The following BICC1 variants were observed in gnomAD, a reference collection of about 807,000 sequenced individuals.
The protein encoded by BICC1 is protein bicaudal C homolog 1.
BICC1 carries 43 observed loss-of-function variants against 111.0 expected under a neutral mutation model. The ratio of observed to expected loss-of-function variants is 0.39; its 90% CI spans 0.30 to 0.50. BICC1 has a LOEUF of 0.50. Among genes scored for constraint, BICC1 ranks in the 20% least tolerant of loss-of-function variants. The pLI is 0.88. For missense variants in BICC1, 1,091 were observed against 1,203.2 expected (o/e 0.91, Z 1.38); for synonymous variants, 467 against 434.4 (o/e 1.07, Z -0.93).
intron 2 of BICC1, chr10:58,650,771 G>A (rs539812109): frequency 1.3e-5 from 2 of 151,994 alleles, no homozygotes; most frequent in South Asian, 4.2e-4. Flanking sequence ...TTCCTCCTTG[G>A]CTTATAATTT....
intron 1 of BICC1, among the ~76,000 whole-genome samples, chr10:58,578,288 A>AT (rs1019336641): frequency 2.0e-5 from 3 of 151,666 alleles, no homozygotes; most frequent in African/African-American, 4.8e-5. Flanking sequence ...CCGAGTTGTT[A>AT]TTTTTTGTTC....
At position 58,828,867 on chromosome 10, in the gene BICC1, T is replaced by C. The variant is rs771009250; in HGVS notation, c.2901T>C (p.Ile967=). Residue 967 remains isoleucine, a synonymous_variant, in exon 21 of 21, where the codon ATT becomes ATC. Transcript: ENST00000373886. ...GRLPRQYHSD[I]ASVSGRW Reference sequence around the variant, plus strand: ...TACCCCGTCAGTATCACTCAGACATTGCTAGTGTCAGTGGCCGCTGGTAGC... The same window carrying C: ...TACCCCGTCAGTATCACTCAGACATCGCTAGTGTCAGTGGCCGCTGGTAGC... The C allele has an allele frequency of 4.3e-6, 7 of 1,613,808 alleles. No homozygotes were observed. The African/African-American group carries it at 8.0e-5, about 18-fold the overall frequency.
chr10:58,594,541 A>G (rs1312323421), intron 1 of BICC1, among the ~76,000 whole-genome samples: 2 of 152,234 alleles, frequency 1.3e-5, no homozygotes, highest in Non-Finnish European at 2.9e-5. Flanking sequence ...TAGAAACCCT[A>G]CAAGCCAGAA....
intron 3 of BICC1, 55 bp from the exon 4 acceptor site, chr10:58,784,946 C>T: frequency 1.0e-6 from 1 of 964,316 alleles, no homozygotes; most frequent in Non-Finnish European, 1.5e-6. Flanking sequence ...GTTTTTAAAA[C>T]AATTTTAAAC....
intron 2 of BICC1, among the ~76,000 whole-genome samples, chr10:58,656,173 CCAA>C (rs948099461): frequency 3.9e-5 from 6 of 151,910 alleles, no homozygotes; most frequent in African/African-American, 1.5e-4. Context: ...TCTGAATAGA[CCAA>C]TAACAGGAGC....
chr10:58,715,137 C>T (rs945697101), intron 3 of BICC1, among the ~76,000 whole-genome samples: 2 of 151,688 alleles, frequency 1.3e-5, no homozygotes, highest in Non-Finnish European at 2.9e-5. Context: ...TTTAAAAGTC[C>T]TTTTTATGCC....
intron 3 of BICC1, among the ~76,000 whole-genome samples, chr10:58,716,890 G>C (rs1456612328): frequency 6.6e-6 from 1 of 151,292 alleles, no homozygotes; most frequent in Non-Finnish European, 1.5e-5. Context: ...GTCAGAGCTG[G>C]CTACCAGCAG....
chr10:58,703,828 A>G (rs1840311314), intron 3 of BICC1, among the ~76,000 whole-genome samples: 1 of 152,232 alleles, frequency 6.6e-6, no homozygotes, highest in South Asian at 2.1e-4. Flanking sequence ...CTAGCCTAAT[A>G]AAAATGCAAC....
chr10:58,714,389 G>T (rs1316801465), intron 3 of BICC1, among the ~76,000 whole-genome samples: 5 of 152,180 alleles, frequency 3.3e-5, no homozygotes, highest in African/African-American at 1.2e-4. Flanking sequence ...ACATAGTAGG[G>T]TGATAGGTCT....
chr10:58,671,820 G>A (rs575862761), intron 2 of BICC1, among the ~76,000 whole-genome samples: 1 of 152,188 alleles, frequency 6.6e-6, no homozygotes, highest in East Asian at 1.9e-4. Flanking sequence ...TGGCTATCAA[G>A]GGTACCCATG....
rs1588919546 is a variant in BICC1, at chr10:58,605,978, T to C, written c.191-14877T>C. Among the ~76,000 whole-genome samples the C allele has an allele frequency of 2.6e-5, 4 of 152,350 alleles. No individual in the cohort carries two copies. In the South Asian group the frequency reaches 8.3e-4, roughly 32 times the overall value. On this transcript the variant is annotated intron_variant, in intron 1 of 20. Coordinates refer to ENST00000373886, the MANE Select transcript of BICC1 (RefSeq NM_001080512.3). Reference sequence around the variant, plus strand: ...TTGGGTTTAATATTTTTTATACCTATCACAAATTCTTTCTACACTGTCTAA... The same window carrying C: ...TTGGGTTTAATATTTTTTATACCTACCACAAATTCTTTCTACACTGTCTAA...
chr10:58,775,271 G>A lies in BICC1; in HGVS notation c.308-9730G>A, dbSNP rs564671160. On this transcript the variant is annotated intron_variant, in intron 3 of 20. Transcript: ENST00000373886. ...CACCTGTAGACCCAGCAACATGGGA[G>A]GCTGAGGCAGGAGATTCACTTGAAT... Among the ~76,000 whole-genome samples, 120 of 152,190 alleles carry A rather than the reference G, an allele frequency of 7.9e-4. No homozygotes were observed. The Middle Eastern group carries it at 0.014, about 17-fold the overall frequency.
chr10:58,698,952 G>T (rs1269858828), intron 2 of BICC1, among the ~76,000 whole-genome samples: 1 of 152,168 alleles, frequency 6.6e-6, no homozygotes, highest in East Asian at 1.9e-4. Context: ...ACAAATAAAG[G>T]ATGTCTGCAA....
At chr10:58,794,197 G>A (rs947192555) in intron 9 of BICC1, among the ~76,000 whole-genome samples, 1 of 151,300 alleles carries the variant, frequency 6.6e-6, no homozygotes, top group African/African-American at 2.4e-5. Flanking sequence ...GTGTGTGTGT[G>A]TGTGTGTGTG....
At chr10:58,585,307 A>C (rs1844399419) in intron 1 of BICC1, among the ~76,000 whole-genome samples, 1 of 152,176 alleles carries the variant, frequency 6.6e-6, no homozygotes, top group Non-Finnish European at 1.5e-5. Flanking sequence ...CACTTTTAAA[A>C]ATCAGGTATG....
intron 5 of BICC1, among the ~76,000 whole-genome samples, chr10:58,787,708 C>T (rs148201074): frequency 6.6e-6 from 1 of 152,322 alleles, no homozygotes; most frequent in East Asian, 1.9e-4. Flanking sequence ...CTTTTCTCTA[C>T]AGGGACTAAT....
intron 3 of BICC1, among the ~76,000 whole-genome samples, chr10:58,748,523 C>T (rs1260944826): frequency 6.6e-6 from 1 of 151,910 alleles, no homozygotes; most frequent in African/African-American, 2.4e-5. Flanking sequence ...AGTTTGTACA[C>T]GTGGTTCAGA....
At chr10:58,645,061 C>T (rs893228906) in intron 2 of BICC1, among the ~76,000 whole-genome samples, 4 of 152,118 alleles carry the variant, frequency 2.6e-5, no homozygotes, top group African/African-American at 9.7e-5. Context: ...CACCCTCTTT[C>T]TTACACTTTG....
At position 58,708,002 on chromosome 10, in the gene BICC1, A is replaced by ATTTTTTT. The variant is rs71467049; in HGVS notation, c.307+5866_307+5872dup. Reference sequence around the variant, plus strand: ...GTGAGCCACCGCGCCTAGCCAGCTAATTTTTTTTTTTTTGTATTTTTAGTA... The same window carrying ATTTTTTT: ...GTGAGCCACCGCGCCTAGCCAGCTAATTTTTTTTTTTTTTTTTTTTGTATTTTTAGTA... On this transcript the variant is annotated intron_variant, in intron 3 of 20. Coordinates refer to ENST00000373886, the MANE Select transcript of BICC1 (RefSeq NM_001080512.3). 4.8e-3 allele frequency among the ~76,000 whole-genome samples: 517 copies of ATTTTTTT among 108,330 alleles called. 76 individuals are homozygous for ATTTTTTT. Among genetic ancestry groups the ATTTTTTT allele is most frequent in the Middle Eastern group, 0.02 (4 of 200 alleles). 71.1% of individuals were successfully genotyped at this position (108,330 alleles called of 152,430 possible). A position where few individuals can be genotyped will look rare whatever the true frequency, so the allele number is the denominator to read the frequency against.
Sources: allele counts gnomAD v4.1 joint callset (sites outside exome capture counted in the v4.1 genomes callset), GRCh38; gene constraint gnomAD v4.1.1; transcripts MANE v1.5; gene names NCBI Gene and HGNC (gene_info 2026-07-23, HGNC 2026-07-21).